Variants in SSC4D observed in about 807,000 individuals in gnomAD.
SSC4D encodes the protein scavenger receptor cysteine rich family member with 4 domains.
In SSC4D, 57 loss-of-function variants were observed where a neutral mutation model predicts 63.4. The ratio of observed to expected loss-of-function variants is 0.90; its 90% CI spans 0.73 to 1.12. SSC4D has a LOEUF of 1.12. Among genes scored for constraint, SSC4D ranks in the 50% most tolerant of loss-of-function variants. SSC4D has a pLI of 0.00. For missense variants in SSC4D, 791 were observed against 806.4 expected, an observed-to-expected ratio of 0.98 and a Z score of 0.23; for synonymous variants, 352 against 345.4, an observed-to-expected ratio of 1.02 and a Z score of -0.21.
chr7:76,399,524 C>G (rs569691907), intron 4 of SSC4D, among the ~76,000 whole-genome samples: 120 of 151,800 alleles, frequency 7.9e-4, no homozygotes, highest in Non-Finnish European at 1.4e-3. Flanking sequence ...CCAGTGTGAC[C>G]CCAATAGTCG....
intron 7 of SSC4D, among the ~76,000 whole-genome samples, chr7:76,394,867 A>ATATT (rs928133674): frequency 1.5e-5 from 2 of 132,914 alleles, no homozygotes; most frequent in African/African-American, 3.6e-5. Flanking sequence ...TATATATAAG[A>ATATT]TATTTATTTA....
In SSC4D at chr7:76,397,517, C is replaced by T. The variant is rs1230493383; in HGVS notation, c.868+1G>A. On this transcript the variant is annotated splice_donor_variant, in intron 6 of 10. Coordinates refer to ENST00000275560, the MANE Select transcript of SSC4D (RefSeq NM_080744.2). LOFTEE classifies it high-confidence loss of function. ...CCGCCCATCGCCCCTAGAGCCCGCACCTGCGCAGAGCGCGCCCGCGTCCTC... is the reference window on the plus strand; with the variant it reads ...CCGCCCATCGCCCCTAGAGCCCGCATCTGCGCAGAGCGCGCCCGCGTCCTC... 8 of 1,541,712 alleles carry T rather than the reference C, an allele frequency of 5.2e-6. No individual in the cohort carries two copies. Among genetic ancestry groups the T allele is most frequent in the Non-Finnish European group, 7.0e-6 (8 of 1,145,240 alleles).
In SSC4D at chr7:76,393,422, G is replaced by C. The variant is rs1365265884; in HGVS notation, c.1316C>G (p.Ala439Gly). The C allele has an allele frequency of 6.7e-7, 1 of 1,489,800 alleles. No individual in the cohort carries two copies. The allele number at this position is 1,489,800 out of a possible 1,614,324, so 92.3% of individuals were successfully genotyped here. A position where few individuals can be genotyped will look rare whatever the true frequency, so the allele number is the denominator to read the frequency against. The change falls in exon 9 of 11, where the codon GCG becomes GGG. Residue 439 changes from alanine to glycine, a missense_variant. Physicochemically the swap from Ala to Gly is moderately conservative, Grantham distance 60. Transcript: ENST00000275560. Reference protein sequence around the residue: ...GQHNCGHHEDAGALCAGPEEL... With the variant: ...GQHNCGHHEDGGALCAGPEEL... ...AGCCTCACCTGCGCAGAGCGCTCCC[G>C]CGTCCTCGTGGTGGCCGCAGTTGTG...
chr7:76,404,589 T>C (rs11760779), intron 1 of SSC4D, 84 bp from the exon 2 acceptor site: 529,862 of 1,196,396 alleles, frequency 0.44, 118,390 homozygotes, highest in South Asian at 0.52. Context: ...CCCAGGGGTT[T>C]GAGATCAGCC....
chr7:76,401,810 C>A (rs1370671271), intron 2 of SSC4D, among the ~76,000 whole-genome samples: 1 of 152,178 alleles, frequency 6.6e-6, no homozygotes, highest in Non-Finnish European at 1.5e-5. Flanking sequence ...CCTCTGAATT[C>A]CTGGACACCA....
At chr7:76,406,246 G>A (rs1403074541) in intron 1 of SSC4D, among the ~76,000 whole-genome samples, 1 of 152,116 alleles carries the variant, frequency 6.6e-6, no homozygotes. Context: ...CCAAAGTGCT[G>A]GGATTACAGG....
chr7:76,395,216 C>T (rs1804608635), intron 7 of SSC4D, 37 bp downstream of exon 7: 3 of 1,610,108 alleles, frequency 1.9e-6, no homozygotes, highest in Non-Finnish European at 2.5e-6. Flanking sequence ...ACCCACCATA[C>T]CCCTACCATT....
rs759004471 is a variant in SSC4D, at chr7:76,395,242, G to T, written c.946+11C>A. The T allele has an allele frequency of 8.1e-6, 13 of 1,613,630 alleles. No homozygotes were observed. The East Asian group carries it at 2.9e-4, about 36-fold the overall frequency. On this transcript the variant is annotated intron_variant, in intron 7 of 10. Transcript: ENST00000275560. The stretch of plus-strand genomic sequence containing the variant: ...CCCTACCATTCCCGCCTGGAGGGCT[G>T]AGCTCTTTACCGGACGGATCTGTCT...
chr7:76,397,955 G>A, intron 5 of SSC4D, 123 bp from the exon 6 acceptor site: 1 of 1,012,082 alleles, frequency 9.9e-7, no homozygotes, highest in Non-Finnish European at 1.4e-6. Context: ...CCGCTGCCCA[G>A]GGTACCGCCT....
chr7:76,391,717 A>G (rs1000457420), intron 10 of SSC4D, among the ~76,000 whole-genome samples: 1 of 152,144 alleles, frequency 6.6e-6, no homozygotes, highest in African/African-American at 2.4e-5. Flanking sequence ...TGCTCAGGAC[A>G]GGATCCTTAT....
chr7:76,389,574 G>A lies in SSC4D; in HGVS notation c.*485C>T, dbSNP rs565590076. 15 of 166,694 alleles carry A rather than the reference G, an allele frequency of 9.0e-5. No homozygotes were observed. In the South Asian group the frequency reaches 2.2e-3, roughly 24 times the overall value. The allele number at this position is 166,694 out of a possible 1,614,324, so 10.3% of individuals were successfully genotyped here. The stretch of plus-strand genomic sequence containing the variant: ...GGCCCTCGCGGAGCAGGGCAGGACA[G>A]GGACCCAGGTTCCTCTGCAGCCCCT... On this transcript the variant is annotated 3_prime_UTR_variant, in exon 11 of 11. Transcript: ENST00000275560.
At position 76,399,072 on chromosome 7, in the gene SSC4D, T is replaced by A. The variant is rs569586501; in HGVS notation, c.476-275A>T. Among the ~76,000 whole-genome samples the A allele has an allele frequency of 3.9e-5, 6 of 151,972 alleles. No individual in the cohort carries two copies. The East Asian group carries it at 1.2e-3, about 30-fold the overall frequency. ...TGTCGCTCAGGCTGGAGTGCAATGG[T>A]GCAATCTCAGCTTGCTGCAACCTCC... On this transcript the variant is annotated intron_variant, in intron 4 of 10. Coordinates refer to ENST00000275560, the MANE Select transcript of SSC4D (RefSeq NM_080744.2).
At position 76,390,376 on chromosome 7, in the gene SSC4D, C is replaced by T. The variant is rs983438705; in HGVS notation, c.1412-1G>A. Reference sequence around the variant, plus strand: ...GCTCCATTGACCAGACGTAGATGCCCTGTGGGGGGACAGGGCTGGGTTGGA... The same window carrying T: ...GCTCCATTGACCAGACGTAGATGCCTTGTGGGGGGACAGGGCTGGGTTGGA... On this transcript the variant is annotated splice_acceptor_variant, in intron 10 of 10. Coordinates refer to ENST00000275560, the MANE Select transcript of SSC4D (RefSeq NM_080744.2). LOFTEE classifies it high-confidence loss of function. The T allele has an allele frequency of 6.3e-7, 1 of 1,575,100 alleles. No homozygotes were observed. The highest frequency in any genetic ancestry group is 1.7e-5 in the Admixed American group (1 of 57,496).
chr7:76,393,680 C>T lies in SSC4D; in HGVS notation c.1058G>A (p.Cys353Tyr), dbSNP rs1405135121. ...RLRLVGGPGP[C>Y]RGRVEVLHAG... ...GTGCAACACCTCCACGCGGCCGCGG[C>T]ACGGACCCGGGCCGCCCACCAGTCG... The change falls in exon 9 of 11, where the codon TGC becomes TAC. Residue 353 changes from cysteine (C) to tyrosine (Y), a missense_variant. Coordinates refer to ENST00000275560, the MANE Select transcript of SSC4D (RefSeq NM_080744.2). The T allele has an allele frequency of 9.9e-6, 14 of 1,420,524 alleles. No homozygotes were observed. Among genetic ancestry groups the T allele is most frequent in the Non-Finnish European group, 1.2e-5 (13 of 1,094,148 alleles). 88.0% of individuals were successfully genotyped at this position (1,420,524 alleles called of 1,614,324 possible).
intron 3 of SSC4D, 95 bp downstream of exon 3, chr7:76,400,913 G>A: frequency 1.3e-6 from 2 of 1,491,354 alleles, no homozygotes; most frequent in Non-Finnish European, 1.8e-6. Flanking sequence ...GAGTCAAGGG[G>A]GGCTGGTTAG....
intron 8 of SSC4D, 48 bp from the exon 9 acceptor site, chr7:76,393,764 C>G (rs775809310): frequency 2.3e-6 from 3 of 1,324,302 alleles, no homozygotes; most frequent in African/African-American, 3.6e-5. Context: ...CTGGGGCTGC[C>G]GGCTCCCGGC....
chr7:76,398,921 G>A (rs753537366), intron 4 of SSC4D, 124 bp from the exon 5 acceptor site: 55 of 938,794 alleles, frequency 5.9e-5, no homozygotes, highest in Non-Finnish European at 8.6e-5. Context: ...GCCACACAAA[G>A]AGTCACAGCC....
rs769910490 is a variant in SSC4D at position 76,392,033 on chromosome 7, C to G, written c.1342G>C (p.Glu448Gln). The change falls in exon 10 of 11, where the codon GAG becomes CAG. Residue 448 changes from glutamate to glutamine, a missense_variant. Glu to Gln is a conservative substitution (Grantham distance 29). Coordinates refer to ENST00000275560, the MANE Select transcript of SSC4D (RefSeq NM_080744.2). ...DAGALCAGPE[E>Q]LGLQVQQDGS... ...TCCTGCTGGACTTGCAGTCCCAGCT[C>G]CTCTGGGCCTGGTTCAGGAAGGACA... 2 of 1,573,134 alleles carry G rather than the reference C, an allele frequency of 1.3e-6. No individual in the cohort carries two copies. Among genetic ancestry groups the G allele is most frequent in the South Asian group, 2.3e-5 (2 of 85,764 alleles).
In SSC4D at chr7:76,393,482, C is replaced by G. The variant is rs867235669; in HGVS notation, c.1256G>C (p.Arg419Pro). The G allele has an allele frequency of 4.6e-6, 7 of 1,524,804 alleles. No homozygotes were observed. The highest frequency in any genetic ancestry group is 6.1e-6 in the Non-Finnish European group (7 of 1,143,540). 94.5% of individuals were successfully genotyped at this position (1,524,804 alleles called of 1,614,324 possible). Residue 419 changes from arginine to proline, a missense_variant, in exon 9 of 11, where the codon CGC becomes CCC. Transcript: ENST00000275560. ...DNVGCAGTEA[R>P]LSDCFHLGWG... The stretch of plus-strand genomic sequence containing the variant: ...GCCCAGGTGGAAGCAGTCGCTCAGG[C>G]GAGCCTCGGTGCCGGCGCAGCCCAC...
Sources: gnomAD v4.1 joint callset for allele counts (sites outside exome capture counted in the v4.1 genomes callset) on GRCh38, gnomAD v4.1.1 for gene constraint, MANE v1.5 for transcripts, NCBI Gene and HGNC (gene_info 2026-07-23, HGNC 2026-07-21) for gene names.